The following NKD1 variants were observed in gnomAD, a reference collection of about 807,000 sequenced individuals.
The protein encoded by NKD1 is NKD inhibitor of Wnt signaling pathway 1, also known as protein naked cuticle homolog 1.
Under a neutral mutation model 56.0 loss-of-function variants are expected in NKD1, and 21 were observed. The ratio of observed to expected loss-of-function variants is 0.38; its 90% CI spans 0.27 to 0.54. NKD1 has a LOEUF of 0.54. Among genes scored for constraint, NKD1 ranks in the 20% least tolerant of loss-of-function variants. The pLI is 0.82. For synonymous variants in NKD1, 263 were observed against 265.7 expected, an observed-to-expected ratio of 0.99 and a Z score of 0.10; for missense variants, 578 against 642.7, an observed-to-expected ratio of 0.90 and a Z score of 1.09.
In NKD1 at chr16:50,633,677, G is replaced by A. The variant is rs143533381; in HGVS notation, c.1309G>A (p.Ala437Thr). ...LGREHLRELP[A>T]LVVYESQAGQ... ...GCGGGAGCACCTGCGGGAGCTGCCC[G>A]CCTTGGTGGTGTATGAGAGCCAGGC... The change falls in exon 10 of 10, where the codon GCC becomes ACC. Residue 437 changes from alanine (A) to threonine (T), a missense_variant. Coordinates refer to ENST00000268459, the MANE Select transcript of NKD1 (RefSeq NM_033119.5). The surrounding 1 kb of genome is among the most constrained non-coding windows in gnomAD (Gnocchi z 4.9). 1.1e-5 allele frequency: 17 copies of A among 1,600,756 alleles called. No homozygotes were observed. The highest frequency in any genetic ancestry group is 5.4e-5 in the African/African-American group (4 of 74,678).
intron 3 of NKD1, among the ~76,000 whole-genome samples, chr16:50,584,128 T>C (rs1354761578): frequency 1.3e-5 from 2 of 152,170 alleles, no homozygotes; most frequent in African/African-American, 4.8e-5. Context: ...CTGGGCTTGC[T>C]CATGCTTCAA....
At chr16:50,577,310 A>G (rs1158916616) in intron 3 of NKD1, among the ~76,000 whole-genome samples, 1 of 152,128 alleles carries the variant, frequency 6.6e-6, no homozygotes, top group African/African-American at 2.4e-5. Context: ...TTCATAAGTC[A>G]TTCTTTATTT....
At position 50,589,223 on chromosome 16, in the gene NKD1, G is replaced by A. The variant is rs376320632; in HGVS notation, c.193-19071G>A. ...CTCAAGCCCCTGTTCTTTAGACTAA[G>A]TTCCCCTTTTTAATACTATTTCTCA... On this transcript the variant is annotated intron_variant, in intron 3 of 9. Coordinates refer to ENST00000268459, the MANE Select transcript of NKD1 (RefSeq NM_033119.5). Among the ~76,000 whole-genome samples the A allele has an allele frequency of 5.0e-4, 76 of 152,208 alleles. 1 individual carries two copies. In the South Asian group the frequency reaches 0.016, roughly 32 times the overall value.
In NKD1 at chr16:50,648,129, CTT is replaced by C. The variant is rs1567362254; in HGVS notation, c.*14349_*14350del. The C allele has an allele frequency of 6.6e-6, 1 of 152,562 alleles. No homozygotes were observed. Among genetic ancestry groups the C allele is most frequent in the Admixed American group, 6.5e-5 (1 of 15,282 alleles). The allele number at this position is 152,562 out of a possible 1,614,324, so 9.5% of individuals were successfully genotyped here. A position where few individuals can be genotyped will look rare whatever the true frequency, so the allele number is the denominator to read the frequency against. On this transcript the variant is annotated 3_prime_UTR_variant, in exon 10 of 10. Transcript: ENST00000268459. ...CCACCAGGAAGGCCTCCTTTTCTCTCTTCTATAGCCACTCACTCCTGGGCCCC... is the reference window on the plus strand; with the variant it reads ...CCACCAGGAAGGCCTCCTTTTCTCTCCTATAGCCACTCACTCCTGGGCCCC...
At chr16:50,604,582 A>G (rs932643507) in intron 3 of NKD1, among the ~76,000 whole-genome samples, 1 of 152,078 alleles carries the variant, frequency 6.6e-6, no homozygotes, top group African/African-American at 2.4e-5. Flanking sequence ...AGATATCCTT[A>G]TTGCTGTCGC....
chr16:50,622,823 G>A (rs980846320), intron 5 of NKD1, among the ~76,000 whole-genome samples: 4 of 152,092 alleles, frequency 2.6e-5, no homozygotes, highest in African/African-American at 9.7e-5. Flanking sequence ...GGAGTGCACA[G>A]TGTGACCAGG....
At position 50,633,655 on chromosome 16, in the gene NKD1, G is replaced by A. The variant is rs146562457; in HGVS notation, c.1287G>A (p.Arg429=). ...CCTCAGGTGGCCCTGTCCTGGGGCG[G>A]GAGCACCTGCGGGAGCTGCCCGCCT... The part of the protein sequence containing the change: ...PLASGGPVLG[R]EHLRELPALV... Residue 429 remains arginine (R), a synonymous_variant, in exon 10 of 10, where the codon CGG becomes CGA. Coordinates refer to ENST00000268459, the MANE Select transcript of NKD1 (RefSeq NM_033119.5). This position sits in a 1 kb window ranked among gnomAD's most constrained non-coding sequence, Gnocchi z 4.9. 462 of 1,605,586 alleles carry A rather than the reference G, an allele frequency of 2.9e-4. No homozygotes were observed. The highest frequency in any genetic ancestry group is 3.7e-4 in the Non-Finnish European group (433 of 1,176,768).
In NKD1 at chr16:50,640,050, TG is replaced by T. The variant is rs1451846979; in HGVS notation, c.*6273del. On this transcript the variant is annotated 3_prime_UTR_variant, in exon 10 of 10. Coordinates refer to ENST00000268459, the MANE Select transcript of NKD1 (RefSeq NM_033119.5). The stretch of plus-strand genomic sequence containing the variant: ...GTCCTTCCCCTAGTAGGGTTTGTTT[TG>T]GGGTCACATCTGGTCATACCCTTCA... The T allele has an allele frequency of 1.3e-5, 2 of 152,168 alleles. No individual in the cohort carries two copies. The highest frequency in any genetic ancestry group is 2.9e-5 in the Non-Finnish European group (2 of 68,038). 9.4% of individuals were successfully genotyped at this position (152,168 alleles called of 1,614,324 possible). A position where few individuals can be genotyped will look rare whatever the true frequency, so the allele number is the denominator to read the frequency against.
chr16:50,610,310 C>T (rs572749566), intron 4 of NKD1, among the ~76,000 whole-genome samples: 6 of 152,218 alleles, frequency 3.9e-5, no homozygotes, highest in East Asian at 1.9e-4. Flanking sequence ...TGGTTTGAGT[C>T]GGGTGGGCAT....
At chr16:50,606,836 G>A (rs1268189341) in intron 3 of NKD1, 1 of 456,700 alleles carries the variant, frequency 2.2e-6, no homozygotes, top group Admixed American at 2.3e-5. Flanking sequence ...CTTTCAGGGG[G>A]CGGTGGCACC....
At chr16:50,585,989 A>G (rs779786131) in intron 3 of NKD1, among the ~76,000 whole-genome samples, 1 of 152,072 alleles carries the variant, frequency 6.6e-6, no homozygotes, top group Non-Finnish European at 1.5e-5. Flanking sequence ...GCATTGCTCT[A>G]AGGTTTCACG....
chr16:50,609,113 C>G (rs931975878), intron 4 of NKD1, among the ~76,000 whole-genome samples: 1 of 152,278 alleles, frequency 6.6e-6, no homozygotes, highest in African/African-American at 2.4e-5. Context: ...GCGTGAGCCA[C>G]TGCACCTGGC....
chr16:50,631,668 C>G (rs1032406265), intron 8 of NKD1, among the ~76,000 whole-genome samples: 1 of 152,190 alleles, frequency 6.6e-6, no homozygotes, highest in Non-Finnish European at 1.5e-5. Context: ...GGGAGCAGAT[C>G]GAAGAGGTCC....
At chr16:50,607,152 C>G (rs1478142459) in intron 3 of NKD1, 1 of 370,570 alleles carries the variant, frequency 2.7e-6, no homozygotes, top group Non-Finnish European at 5.4e-6. Context: ...GTGTAATGCC[C>G]TAGAAAGATT....
intron 6 of NKD1, among the ~76,000 whole-genome samples, 171 bp from the exon 7 acceptor site, chr16:50,630,015 T>C (rs1013509379): frequency 6.6e-6 from 1 of 152,116 alleles, no homozygotes; most frequent in Non-Finnish European, 1.5e-5. Flanking sequence ...TCATTTCTGC[T>C]TCCTAGGATC....
chr16:50,636,561 G>A lies in NKD1; in HGVS notation c.*2780G>A, dbSNP rs1257391751. ...GTTGTGAGCACAGACTTTGGTGCCA[G>A]TTTGCTAGGTTCGAATCCTGACTCC... On this transcript the variant is annotated 3_prime_UTR_variant, in exon 10 of 10. Transcript: ENST00000268459. 1.3e-5 allele frequency: 2 copies of A among 152,184 alleles called. No individual in the cohort carries two copies. The highest frequency in any genetic ancestry group is 2.9e-5 in the Non-Finnish European group (2 of 68,036). 9.4% of individuals were successfully genotyped at this position (152,184 alleles called of 1,614,324 possible).
At chr16:50,610,697 T>C (rs1053274898) in intron 4 of NKD1, among the ~76,000 whole-genome samples, 5 of 152,210 alleles carry the variant, frequency 3.3e-5, no homozygotes. Context: ...AAAAGAAGTC[T>C]TTTAGCCATC....
At position 50,623,560 on chromosome 16, in the gene NKD1, G is replaced by A. The variant is rs368687469; in HGVS notation, c.366+1852G>A. Among the ~76,000 whole-genome samples, 5 of 152,252 alleles carry A rather than the reference G, an allele frequency of 3.3e-5. No homozygotes were observed. Among genetic ancestry groups the A allele is most frequent in the African/African-American group, 9.6e-5 (4 of 41,554 alleles). ...CGCTTGCTTCTGGAGGGGCAGACTT[G>A]GGACTGAGCTGTGGTCCATGGGCAG... On this transcript the variant is annotated intron_variant, in intron 5 of 9. Coordinates refer to ENST00000268459, the MANE Select transcript of NKD1 (RefSeq NM_033119.5). The surrounding 1 kb of genome is among the most constrained non-coding windows in gnomAD (Gnocchi z 4.1).
intron 3 of NKD1, among the ~76,000 whole-genome samples, chr16:50,586,991 G>A (rs868208956): frequency 3.5e-4 from 53 of 152,198 alleles, no homozygotes; most frequent in African/African-American, 1.1e-3. Context: ...TCAGGTCGTC[G>A]TGAGTTCTCA....
Sources: gnomAD v4.1 joint callset for allele counts (sites outside exome capture counted in the v4.1 genomes callset) on GRCh38, gnomAD v4.1.1 for gene constraint, Gnocchi (gnomAD v3.1) non-coding constraint, MANE v1.5 for transcripts, NCBI Gene and HGNC (gene_info 2026-07-23, HGNC 2026-07-21) for gene names.